The following ASB4 variants were observed in gnomAD, a reference collection of about 807,000 sequenced individuals.
ASB4 encodes the protein ankyrin repeat and SOCS box containing 4, also known as ankyrin repeat and SOCS box protein 4.
A neutral mutation model predicts 38.6 loss-of-function variants in ASB4; 35 were observed. The ratio of observed to expected loss-of-function variants is 0.91; its 90% CI spans 0.69 to 1.20. ASB4 has a LOEUF of 1.20. ASB4 is among the 50% of genes most tolerant of loss of function. ASB4 has a pLI of 0.00. For missense variants in ASB4, 557 were observed against 527.2 expected, an observed-to-expected ratio of 1.06 and a Z score of -0.55; for synonymous variants, 195 against 201.3, an observed-to-expected ratio of 0.97 and a Z score of 0.26.
intron 2 of ASB4, among the ~76,000 whole-genome samples, chr7:95,505,239 A>G (rs1334750658): frequency 2.0e-5 from 3 of 152,242 alleles, no homozygotes; most frequent in Non-Finnish European, 2.9e-5. Context: ...AATGGTTACA[A>G]CTAGTAACTG....
intron 2 of ASB4, among the ~76,000 whole-genome samples, chr7:95,514,787 T>G (rs1790531799): frequency 6.6e-6 from 1 of 152,230 alleles, no homozygotes; most frequent in African/African-American, 2.4e-5. Flanking sequence ...TGAAATGGCC[T>G]TTCTGCAAGA....
intron 2 of ASB4, among the ~76,000 whole-genome samples, chr7:95,523,320 C>T (rs904651947): frequency 6.6e-6 from 1 of 152,062 alleles, no homozygotes; most frequent in African/African-American, 2.4e-5. Context: ...ACGTTTATAG[C>T]AATTATGATA....
upstream of ASB4, among the ~76,000 whole-genome samples, chr7:95,485,357 A>T (rs1312395086): frequency 6.6e-6 from 1 of 152,172 alleles, no homozygotes; most frequent in Non-Finnish European, 1.5e-5. Flanking sequence ...TACCTAAAAG[A>T]GTCCCTGCCC....
At chr7:95,543,510 T>C (rs1333509675), downstream of ASB4, 1 of 152,122 alleles carries the variant, frequency 6.6e-6, no homozygotes, top group African/African-American at 2.4e-5. Context: ...GTAAGTGCTA[T>C]TGGAGTCGAG....
intron 2 of ASB4, among the ~76,000 whole-genome samples, chr7:95,518,565 C>A (rs1404392969): frequency 6.6e-6 from 1 of 152,130 alleles, no homozygotes; most frequent in Non-Finnish European, 1.5e-5. Context: ...CTGACTAAAT[C>A]CTAACCTAAG....
At chr7:95,543,809 G>C (rs1562825917), downstream of ASB4, 2 of 152,158 alleles carry the variant, frequency 1.3e-5, no homozygotes, top group Non-Finnish European at 2.9e-5. Flanking sequence ...GTCTCAAAGA[G>C]TGGGGAAGCA....
intron 2 of ASB4, among the ~76,000 whole-genome samples, chr7:95,510,928 C>G (rs1790471041): frequency 6.6e-6 from 1 of 152,150 alleles, no homozygotes; most frequent in South Asian, 2.1e-4. Context: ...TTAGGGGAGC[C>G]TGGAGCTTAT....
the ASB4 span, among the ~76,000 whole-genome samples, chr7:95,546,582 A>C: frequency 9.2e-5 from 14 of 152,218 alleles, no homozygotes; most frequent in Non-Finnish European, 2.1e-4. Context: ...TAACCAACCA[A>C]AATATTCTCT....
intron 1 of ASB4, among the ~76,000 whole-genome samples, chr7:95,490,984 A>G (rs557392553): frequency 6.6e-6 from 1 of 152,312 alleles, no homozygotes; most frequent in Admixed American, 6.5e-5. Flanking sequence ...ATGGAGTTTG[A>G]GAGTTAGAGT....
intron 1 of ASB4, among the ~76,000 whole-genome samples, chr7:95,489,827 C>G (rs1180266306): frequency 6.6e-6 from 1 of 152,170 alleles, no homozygotes; most frequent in African/African-American, 2.4e-5. Context: ...AAGTCAAGCA[C>G]AGAAGAAATC....
intron 2 of ASB4, among the ~76,000 whole-genome samples, chr7:95,513,832 G>A (rs1360922190): frequency 2.0e-5 from 3 of 152,118 alleles, no homozygotes; most frequent in Admixed American, 6.5e-5. Flanking sequence ...AGGCATCCTA[G>A]GCATTACTAT....
intron 2 of ASB4, among the ~76,000 whole-genome samples, chr7:95,523,839 T>C (rs1435247702): frequency 6.6e-6 from 1 of 152,180 alleles, no homozygotes; most frequent in Non-Finnish European, 1.5e-5. Context: ...TATAATTACA[T>C]GGAAATGCTT....
At chr7:95,485,865 T>G (rs1383622289), upstream of ASB4, 3 of 920,612 alleles carry the variant, frequency 3.3e-6, no homozygotes, top group East Asian at 5.3e-5. Flanking sequence ...TCAGCATAAC[T>G]TTGGGATAAA....
chr7:95,472,975 C>A, the ASB4 span, among the ~76,000 whole-genome samples: 1 of 152,326 alleles, frequency 6.6e-6, no homozygotes, highest in Non-Finnish European at 1.5e-5. Context: ...CCTCTCTCCA[C>A]GCTCCAGCAG....
upstream of ASB4, among the ~76,000 whole-genome samples, chr7:95,484,139 G>A (rs1790052260): frequency 1.3e-5 from 2 of 151,212 alleles, no homozygotes; most frequent in African/African-American, 2.5e-5. Context: ...ATCAGCCGGG[G>A]GAACATGGCA....
chr7:95,535,426 T>C (rs1790876988), intron 3 of ASB4, among the ~76,000 whole-genome samples: 2 of 113,312 alleles, frequency 1.8e-5, no homozygotes, highest in Admixed American at 8.3e-5. Flanking sequence ...GGTTGATTTA[T>C]GTTCTCCGAA....
chr7:95,500,273 A>G (rs1249795350), intron 2 of ASB4, among the ~76,000 whole-genome samples: 1 of 152,108 alleles, frequency 6.6e-6, no homozygotes, highest in Middle Eastern at 3.2e-3. Flanking sequence ...GACTTATAAA[A>G]GATGCCATGT....
chr7:95,519,104 T>A (rs1481001620), intron 2 of ASB4, among the ~76,000 whole-genome samples: 1 of 152,202 alleles, frequency 6.6e-6, no homozygotes, highest in African/African-American at 2.4e-5. Context: ...GTACTTCATT[T>A]AAGATTTCAT....
At chr7:95,531,379 C>T (rs982051014) in intron 3 of ASB4, among the ~76,000 whole-genome samples, 1 of 152,164 alleles carries the variant, frequency 6.6e-6, no homozygotes, top group East Asian at 1.9e-4. Flanking sequence ...TGCATATTGT[C>T]GTTCAAAGAC....
Sources: gnomAD v4.1 joint callset for allele counts (sites outside exome capture counted in the v4.1 genomes callset) on GRCh38, gnomAD v4.1.1 for gene constraint, MANE v1.5 for transcripts, NCBI Gene and HGNC (gene_info 2026-07-23, HGNC 2026-07-21) for gene names.